The following ZC3HAV1 variants were observed in gnomAD, a reference collection of about 807,000 sequenced individuals.
The protein encoded by ZC3HAV1 is zinc finger CCCH-type containing, antiviral 1.
In ZC3HAV1, 41 loss-of-function variants were observed where a neutral mutation model predicts 86.6. The observed-to-expected ratio is 0.47, with a 90% CI of 0.37 to 0.61. The LOEUF (loss-of-function observed/expected upper bound fraction) is 0.61. Ranked by LOEUF, ZC3HAV1 falls within the 20% of genes least tolerant of loss-of-function variation. The pLI is 0.00. For synonymous variants in ZC3HAV1, 421 were observed against 432.1 expected, an observed-to-expected ratio of 0.97 and a Z score of 0.32; for missense variants, 964 against 1,141.1, an observed-to-expected ratio of 0.84 and a Z score of 2.24.
At chr7:139,070,435 C>T (rs966519400) in intron 7 of ZC3HAV1, among the ~76,000 whole-genome samples, 4 of 151,972 alleles carry the variant, frequency 2.6e-5, no homozygotes, top group South Asian at 2.1e-4. Context: ...GAGGCTGAGG[C>T]GGGCAGATCA....
chr7:139,101,570 A>C (rs1361328252), intron 1 of ZC3HAV1, among the ~76,000 whole-genome samples: 1 of 140,074 alleles, frequency 7.1e-6, no homozygotes, highest in African/African-American at 2.7e-5. Flanking sequence ...TGGAATAGAA[A>C]AGGGGGAAAG....
intron 12 of ZC3HAV1, among the ~76,000 whole-genome samples, chr7:139,051,405 A>ATT (rs58931897): frequency 5.3e-4 from 70 of 133,076 alleles, no homozygotes; most frequent in Middle Eastern, 3.8e-3. Context: ...CAATCATTTA[A>ATT]TTTTTTTTTT....
intron 1 of ZC3HAV1, among the ~76,000 whole-genome samples, chr7:139,094,260 T>C (rs1817514951): frequency 6.6e-6 from 1 of 152,072 alleles, no homozygotes. Flanking sequence ...ACAATCTGGT[T>C]TTACGAACAT....
At chr7:139,061,291 T>C (rs1816435797) in intron 8 of ZC3HAV1, among the ~76,000 whole-genome samples, 153 bp from the exon 9 acceptor site, 1 of 152,206 alleles carries the variant, frequency 6.6e-6, no homozygotes, top group Non-Finnish European at 1.5e-5. Context: ...TGAGAATTGC[T>C]CACAGTAAAA....
At chr7:139,089,892 T>A in intron 1 of ZC3HAV1, 133 bp from the exon 2 acceptor site, 1 of 863,182 alleles carries the variant, frequency 1.2e-6, no homozygotes, top group Non-Finnish European at 1.7e-6. Context: ...TGGTTCTGCT[T>A]AAAGAATACA....
intron 10 of ZC3HAV1, 72 bp from the exon 11 acceptor site, chr7:139,054,167 C>A: frequency 7.1e-7 from 1 of 1,405,302 alleles, no homozygotes; most frequent in Non-Finnish European, 9.4e-7. Context: ...CATATGTGCC[C>A]CCTTATGCCA....
Position 139,060,788 on chromosome 7 carries a change from G to C in ZC3HAV1, c.2096+248C>G, listed in dbSNP as rs1816420577. ...TCACAGCTGGAGAAGCTAAAGCCCA[G>C]AGTATTTAGGAGACTCGCTCAGACT... On this transcript the variant is annotated intron_variant, in intron 9 of 12. Coordinates refer to ENST00000242351, the MANE Select transcript of ZC3HAV1 (RefSeq NM_020119.4). 21 of 1,356,200 alleles carry C rather than the reference G, an allele frequency of 1.5e-5. No individual in the cohort carries two copies. In the South Asian group the frequency reaches 2.9e-4, roughly 19 times the overall value. 84.0% of individuals were successfully genotyped at this position (1,356,200 alleles called of 1,614,324 possible).
chr7:139,102,753 AC>A (rs1817812289), intron 1 of ZC3HAV1, among the ~76,000 whole-genome samples: 1 of 150,880 alleles, frequency 6.6e-6, no homozygotes, highest in African/African-American at 2.4e-5. Context: ...ACACACACAC[AC>A]ACACACACAC....
At chr7:139,059,796 T>C (rs1169322890) in intron 9 of ZC3HAV1, among the ~76,000 whole-genome samples, 3 of 152,190 alleles carry the variant, frequency 2.0e-5, no homozygotes, top group Non-Finnish European at 4.4e-5. Context: ...ATTATATATA[T>C]AGTTACTAAG....
Position 139,064,915 on chromosome 7 carries a change from G to A in ZC3HAV1, c.1957C>T (p.Gln653Ter), listed in dbSNP as rs1816552583. Residue 653 changes from glutamine to a stop codon, truncating the protein, a stop_gained, in exon 8 of 13, where the codon CAG becomes TAG. Coordinates refer to ENST00000242351, the MANE Select transcript of ZC3HAV1 (RefSeq NM_020119.4). LOFTEE classifies it high-confidence loss of function. ...AGCTCATAGTTCCGTGAGCCCGCCT[G>A]AAATGGCACAACTCCCCTCGGACAG... ...QSCPRGVVPF[Q>*]AGSRNYELSF... 2 of 1,614,200 alleles carry A rather than the reference G, an allele frequency of 1.2e-6. No homozygotes were observed. The highest frequency in any genetic ancestry group is 1.7e-6 in the Non-Finnish European group (2 of 1,180,036).
At chr7:139,060,844 T>C (rs1416994239) in intron 9 of ZC3HAV1, 192 bp downstream of exon 9, 3 of 1,493,756 alleles carry the variant, frequency 2.0e-6, no homozygotes, top group East Asian at 2.6e-5. Context: ...CATTTTCCGA[T>C]CTAGTATCCT....
intron 12 of ZC3HAV1, among the ~76,000 whole-genome samples, chr7:139,050,855 C>A (rs1208187428): frequency 1.3e-5 from 2 of 152,122 alleles, no homozygotes; most frequent in Admixed American, 1.3e-4. Flanking sequence ...CTTATGAAAT[C>A]TCATCAATAA....
intron 9 of ZC3HAV1, chr7:139,060,520 T>C (rs1816411748): frequency 2.0e-6 from 2 of 995,536 alleles, no homozygotes; most frequent in Non-Finnish European, 2.4e-6. Context: ...CTATAAATCG[T>C]GTAGGAAAAC....
At chr7:139,103,273 AT>A (rs1056687685) in intron 1 of ZC3HAV1, among the ~76,000 whole-genome samples, 41 of 142,152 alleles carry the variant, frequency 2.9e-4, no homozygotes, top group South Asian at 1.3e-3. Flanking sequence ...TTATTTTTTT[AT>A]TTTTTTTTTA....
intron 7 of ZC3HAV1, among the ~76,000 whole-genome samples, chr7:139,066,281 G>T (rs915014588): frequency 1.2e-4 from 18 of 152,224 alleles, no homozygotes; most frequent in Non-Finnish European, 2.5e-4. Context: ...CTGGACCGAC[G>T]CCCCTTCCTC....
chr7:139,060,497 C>T (rs1230985027), intron 9 of ZC3HAV1: 20 of 991,784 alleles, frequency 2.0e-5, no homozygotes, highest in South Asian at 9.0e-5. Context: ...TCTCTTTCTC[C>T]GCCCCTCATC....
chr7:139,097,581 C>T (rs1817644398), intron 1 of ZC3HAV1, among the ~76,000 whole-genome samples: 1 of 150,294 alleles, frequency 6.7e-6, no homozygotes, highest in African/African-American at 2.5e-5. Flanking sequence ...ATTACAGGTG[C>T]CCGCCACCAC....
intron 9 of ZC3HAV1, among the ~76,000 whole-genome samples, chr7:139,055,839 G>A (rs1816267019): frequency 6.6e-6 from 1 of 152,040 alleles, no homozygotes; most frequent in South Asian, 2.1e-4. Flanking sequence ...CCACCATTTG[G>A]CAATACTTAA....
At chr7:139,085,996 G>A (rs1002572149) in intron 2 of ZC3HAV1, among the ~76,000 whole-genome samples, 3 of 151,596 alleles carry the variant, frequency 2.0e-5, no homozygotes, top group Non-Finnish European at 4.4e-5. Context: ...GGGAGACAGA[G>A]TGAGACTCCA....
Sources: allele counts gnomAD v4.1 joint callset (sites outside exome capture counted in the v4.1 genomes callset), GRCh38; gene constraint gnomAD v4.1.1; transcripts MANE v1.5; gene names NCBI Gene and HGNC (gene_info 2026-07-23, HGNC 2026-07-21).